The following CLEC18A variants were observed in gnomAD, a reference collection of about 807,000 sequenced individuals.
CLEC18A encodes C-type lectin domain family 18 member A.
Under a neutral mutation model 24.0 loss-of-function variants are expected in CLEC18A, and 5 were observed. The observed-to-expected ratio is 0.21, with a 90% CI of 0.11 to 0.44. CLEC18A has a LOEUF of 0.44. Ranked by LOEUF, CLEC18A falls within the 20% of genes least tolerant of loss-of-function variation. The pLI is 0.99. For missense variants in CLEC18A, 83 were observed against 233.4 expected (o/e 0.36, Z 4.20); for synonymous variants, 29 against 100.1 (o/e 0.29, Z 4.24).
upstream of CLEC18A, among the ~76,000 whole-genome samples, chr16:69,948,675 AC>A (rs1456417259): frequency 6.8e-6 from 1 of 146,118 alleles, no homozygotes; most frequent in Non-Finnish European, 1.5e-5. Context: ...CATTCTCCAA[AC>A]CCACCCCAGC....
At chr16:69,948,721 G>A (rs1254412064), upstream of CLEC18A, among the ~76,000 whole-genome samples, 1 of 139,988 alleles carries the variant, frequency 7.1e-6, no homozygotes, top group African/African-American at 2.7e-5. Context: ...TCTGAACCCA[G>A]GAGGGAGTAC....
intron 2 of CLEC18A, chr16:69,953,938 C>A (rs1359883773): frequency 3.0e-6 from 1 of 336,140 alleles, no homozygotes; most frequent in East Asian, 6.5e-5. Flanking sequence ...GGGCTTTTTG[C>A]ATCACAGGAG....
chr16:69,955,183 A>G (rs1256103073), intron 3 of CLEC18A, among the ~76,000 whole-genome samples: 3 of 151,498 alleles, frequency 2.0e-5, no homozygotes, highest in Non-Finnish European at 4.4e-5. Flanking sequence ...TTGTATTTTT[A>G]GTAGAGACAG....
chr16:69,964,853 G>C (rs544943395), downstream of CLEC18A, among the ~76,000 whole-genome samples: 240 of 152,090 alleles, frequency 1.6e-3, no homozygotes, highest in Admixed American at 2.6e-3. Context: ...ACAGGCTGGA[G>C]TGCAGGGGTG....
rs1959244697 is a variant in CLEC18A at position 69,963,815 on chromosome 16, GC to G, written c.*207del. On this transcript the variant is annotated 3_prime_UTR_variant, in exon 12 of 12. Transcript: ENST00000288040. ...GGAGTGAGTGTTAGAAGAAGCTGGG[GC>G]CCTTCGCCTGCTTTTGATTGGGAAG... 1 of 606,958 alleles carries G rather than the reference GC, an allele frequency of 1.6e-6. No homozygotes were observed. Among genetic ancestry groups the G allele is most frequent in the South Asian group, 2.0e-5 (1 of 49,504 alleles). The allele number at this position is 606,958 out of a possible 1,614,324, so 37.6% of individuals were successfully genotyped here. A position where few individuals can be genotyped will look rare whatever the true frequency, so the allele number is the denominator to read the frequency against.
chr16:69,943,789 G>C, the CLEC18A span, among the ~76,000 whole-genome samples: 1 of 146,540 alleles, frequency 6.8e-6, no homozygotes, highest in African/African-American at 2.5e-5. Context: ...AGCTGCTTCA[G>C]GGCCCTGAAC....
upstream of CLEC18A, among the ~76,000 whole-genome samples, chr16:69,950,407 T>C (rs1174934642): frequency 7.9e-6 from 1 of 126,678 alleles, no homozygotes; most frequent in Non-Finnish European, 1.9e-5. Context: ...CAGGAAGCCA[T>C]GTATTTTCTG....
the CLEC18A span, among the ~76,000 whole-genome samples, chr16:69,945,144 G>T: frequency 6.8e-6 from 1 of 147,242 alleles, no homozygotes; most frequent in Non-Finnish European, 1.5e-5. Flanking sequence ...AAAAAAAGTA[G>T]CTGGGTATGG....
chr16:69,955,681 T>A, intron 3 of CLEC18A, among the ~76,000 whole-genome samples: 1 of 143,396 alleles, frequency 7.0e-6, no homozygotes, highest in East Asian at 2.1e-4. Context: ...GGCCCCACTC[T>A]TACCCACTAC....
At chr16:69,943,565 C>T in the CLEC18A span, among the ~76,000 whole-genome samples, 2 of 152,218 alleles carry the variant, frequency 1.3e-5, no homozygotes, top group Non-Finnish European at 2.9e-5. Context: ...CGTTTCGTGA[C>T]TGGTTTATTC....
upstream of CLEC18A, among the ~76,000 whole-genome samples, chr16:69,945,812 G>T (rs1458219059): frequency 1.3e-5 from 2 of 152,168 alleles, no homozygotes; most frequent in Non-Finnish European, 2.9e-5. Flanking sequence ...ACAAAAATTG[G>T]CCAGGTGCAG....
the CLEC18A span, among the ~76,000 whole-genome samples, chr16:69,945,640 T>C: frequency 2.0e-5 from 3 of 152,284 alleles, no homozygotes; most frequent in African/African-American, 2.4e-5. Flanking sequence ...AAACCTGGCC[T>C]CTCAATTGCT....
intron 10 of CLEC18A, 26 bp from the exon 11 acceptor site, chr16:69,962,950 C>T: frequency 6.8e-7 from 1 of 1,461,980 alleles, no homozygotes; most frequent in Non-Finnish European, 9.4e-7. Context: ...ACTCTTGCCT[C>T]CTGACCACCA....
chr16:69,948,472 G>A (rs2650525), upstream of CLEC18A, among the ~76,000 whole-genome samples: 97 of 150,912 alleles, frequency 6.4e-4, 1 homozygote, highest in East Asian at 1.9e-3. Context: ...AAAATGACTC[G>A]AACGCTATAA....
chr16:69,953,335 T>C (rs1490510036), intron 2 of CLEC18A: 1 of 151,106 alleles, frequency 6.6e-6, no homozygotes, highest in Non-Finnish European at 1.5e-5. Flanking sequence ...TGGACATTAG[T>C]GCAGGATGAA....
chr16:69,962,975 G>C lies in CLEC18A; in HGVS notation c.1212-1G>C, dbSNP rs1283698985. The C allele has an allele frequency of 6.3e-7, 1 of 1,591,954 alleles. No individual in the cohort carries two copies. The highest frequency in any genetic ancestry group is 8.6e-7 in the Non-Finnish European group (1 of 1,165,970). Reference sequence around the variant, plus strand: ...CCTGACCACCACACCATGGCCTGCAGGTTTGGCAACTGCGTGGAGCTGCAG... The same window carrying C: ...CCTGACCACCACACCATGGCCTGCACGTTTGGCAACTGCGTGGAGCTGCAG... On this transcript the variant is annotated splice_acceptor_variant, in intron 10 of 11. Coordinates refer to ENST00000288040, the MANE Select transcript of CLEC18A (RefSeq NM_001370523.4). LOFTEE classifies it high-confidence loss of function.
the CLEC18A span, among the ~76,000 whole-genome samples, chr16:69,943,887 G>A: frequency 7.1e-6 from 1 of 140,348 alleles, no homozygotes; most frequent in African/African-American, 2.5e-5. Flanking sequence ...TCAACTGGGT[G>A]ATATATTTGA....
the CLEC18A span, among the ~76,000 whole-genome samples, chr16:69,943,710 T>C: frequency 6.7e-6 from 1 of 149,234 alleles, no homozygotes; most frequent in Non-Finnish European, 1.5e-5. Flanking sequence ...GCCTAGGACA[T>C]GCATCTGTGT....
At chr16:69,965,578 C>G (rs1408977313), downstream of CLEC18A, among the ~76,000 whole-genome samples, 3 of 149,640 alleles carry the variant, frequency 2.0e-5, no homozygotes, top group African/African-American at 7.4e-5. Context: ...CCTGACGCGC[C>G]GTCGTGAGTG....
Sources: gnomAD v4.1 joint callset for allele counts (sites outside exome capture counted in the v4.1 genomes callset) on GRCh38, gnomAD v4.1.1 for gene constraint, MANE v1.5 for transcripts, NCBI Gene and HGNC (gene_info 2026-07-23, HGNC 2026-07-21) for gene names.